CATSPERB: variants seen among roughly 807,000 people sequenced by gnomAD.
CATSPERB encodes the protein cation channel sperm-associated auxiliary subunit beta.
Under a neutral mutation model 128.3 loss-of-function variants are expected in CATSPERB, and 93 were observed. The observed-to-expected ratio is 0.72, with a 90% CI of 0.61 to 0.86. The LOEUF (loss-of-function observed/expected upper bound fraction) is 0.86. Ranked by LOEUF, CATSPERB falls within the 40% of genes least tolerant of loss-of-function variation. The pLI, the probability that CATSPERB is intolerant of heterozygous loss-of-function variation, is 0.00. For synonymous variants in CATSPERB, 381 were observed against 448.8 expected, an observed-to-expected ratio of 0.85 and a Z score of 1.91; for missense variants, 1,153 against 1,329.5, an observed-to-expected ratio of 0.87 and a Z score of 2.06.
intron 14 of CATSPERB, among the ~76,000 whole-genome samples, chr14:91,667,018 A>C (rs1894996181): frequency 6.6e-6 from 1 of 152,248 alleles, no homozygotes; most frequent in Admixed American, 6.5e-5. Flanking sequence ...TTAGTGATGT[A>C]ACTGTACTTG....
chr14:91,636,748 G>A (rs1009088024), intron 16 of CATSPERB, among the ~76,000 whole-genome samples, 169 bp from the exon 17 acceptor site: 9 of 152,158 alleles, frequency 5.9e-5, no homozygotes, highest in Non-Finnish European at 1.2e-4. Context: ...TGTGTGCAAG[G>A]GAAGATGTAT....
intron 15 of CATSPERB, among the ~76,000 whole-genome samples, chr14:91,648,101 A>C (rs1894638884): frequency 6.6e-6 from 1 of 152,058 alleles, no homozygotes; most frequent in Non-Finnish European, 1.5e-5. Context: ...CACTGGTTTC[A>C]TTCATAATTT....
At position 91,625,097 on chromosome 14, in the gene CATSPERB, A is replaced by G. The variant is rs1350590005; in HGVS notation, c.1743-90T>C. 4.2e-6 allele frequency: 3 copies of G among 708,640 alleles called. No homozygotes were observed. The African/African-American group carries it at 5.5e-5, about 13-fold the overall frequency. The allele number at this position is 708,640 out of a possible 1,614,324, so 43.9% of individuals were successfully genotyped here. ...AACAAATAATTTACAAAGAAAGTATACCACAAATAACTAACAAATATTTGA... is the reference window on the plus strand; with the variant it reads ...AACAAATAATTTACAAAGAAAGTATGCCACAAATAACTAACAAATATTTGA... On this transcript the variant is annotated intron_variant, in intron 17 of 26. Transcript: ENST00000256343.
chr14:91,705,611 G>T (rs1333421292), intron 6 of CATSPERB, among the ~76,000 whole-genome samples: 1 of 152,184 alleles, frequency 6.6e-6, no homozygotes, highest in Non-Finnish European at 1.5e-5. Flanking sequence ...CCCATTACAG[G>T]CTCTAGTTTG....
At chr14:91,604,046 T>C (rs1418809916) in intron 22 of CATSPERB, among the ~76,000 whole-genome samples, 1 of 150,968 alleles carries the variant, frequency 6.6e-6, no homozygotes, top group African/African-American at 2.4e-5. Flanking sequence ...TCTTTCTTTC[T>C]TTTATGGAGT....
chr14:91,664,259 CTT>C (rs750623098), intron 14 of CATSPERB, among the ~76,000 whole-genome samples: 1,312 of 115,612 alleles, frequency 0.011, 34 homozygotes, highest in Middle Eastern at 0.016. Flanking sequence ...TCTTCCATGT[CTT>C]TTTTTTTTTT....
At chr14:91,673,231 C>CCCTTGGGCAAGAAACTT (rs1895129941) in intron 12 of CATSPERB, among the ~76,000 whole-genome samples, 1 of 151,710 alleles carries the variant, frequency 6.6e-6, no homozygotes, top group Non-Finnish European at 1.5e-5. Flanking sequence ...TTTAGGAAAT[C>CCCTTGGGCAAGAAACTT]GACCCTTAGG....
chr14:91,731,070 C>T (rs2139787272), intron 1 of CATSPERB, among the ~76,000 whole-genome samples: 1 of 152,256 alleles, frequency 6.6e-6, no homozygotes, highest in Non-Finnish European at 1.5e-5. Context: ...AGTCCCTTTA[C>T]CAGAAAAATC....
rs763171769 is a variant in CATSPERB at position 91,621,879 on chromosome 14, G to A, written c.1989C>T (p.Tyr663=). The A allele has an allele frequency of 1.2e-6, 2 of 1,613,944 alleles. No individual in the cohort carries two copies. Among genetic ancestry groups the A allele is most frequent in the South Asian group, 1.1e-5 (1 of 91,050 alleles). ...AAATGCTTGTGATGAGGAAGCTGCT[G>A]TACCCGGGAAGCACTACAGTCTTCT... ...DIEKTVVLPG[Y]SSFLITSILD... Residue 663 remains tyrosine (Y), a synonymous_variant, in exon 19 of 27, where the codon TAC becomes TAT. Transcript: ENST00000256343.
intron 7 of CATSPERB, among the ~76,000 whole-genome samples, chr14:91,695,039 A>G (rs1422122702): frequency 1.3e-5 from 2 of 151,918 alleles, no homozygotes; most frequent in African/African-American, 4.8e-5. Context: ...AGTGTTATTT[A>G]TTATTGTATA....
chr14:91,640,836 G>A (rs1038007480), intron 15 of CATSPERB, among the ~76,000 whole-genome samples: 1 of 143,508 alleles, frequency 7.0e-6, no homozygotes, highest in African/African-American at 2.6e-5. Context: ...TTCCACAATG[G>A]TTGAACTAGT....
At chr14:91,619,862 TG>T (rs1167030140) in intron 19 of CATSPERB, among the ~76,000 whole-genome samples, 12 of 2,822 alleles carry the variant, frequency 4.3e-3, no homozygotes, top group Non-Finnish European at 6.6e-4. Flanking sequence ...GTAATAAAAT[TG>T]TGTGTGTGTG....
At chr14:91,620,964 A>G (rs1894031615) in intron 19 of CATSPERB, among the ~76,000 whole-genome samples, 1 of 152,148 alleles carries the variant, frequency 6.6e-6, no homozygotes, top group Admixed American at 6.5e-5. Flanking sequence ...AAGTAATTAA[A>G]AAGTTTTCCT....
At position 91,725,089 on chromosome 14, in the gene CATSPERB, TAAGAA is replaced by T; in HGVS notation, c.154_158del (p.Phe52ArgfsTer12). On this transcript the variant is annotated frameshift_variant, in exon 3 of 27. Transcript: ENST00000256343. LOFTEE classifies it high-confidence loss of function. ...TATTAGTGGACCTTACCAAGTTTTC[TAAGAA>T]AAGATACAACTTGATTATTTCATTC... 6.4e-7 allele frequency: 1 copy of T among 1,566,652 alleles called. No individual in the cohort carries two copies. Among genetic ancestry groups the T allele is most frequent in the Non-Finnish European group, 8.6e-7 (1 of 1,157,044 alleles).
At chr14:91,617,868 G>A in intron 19 of CATSPERB, 132 bp from the exon 20 acceptor site, 1 of 641,458 alleles carries the variant, frequency 1.6e-6, no homozygotes, top group Non-Finnish European at 2.6e-6. Context: ...TGCACATACA[G>A]TTAGCAATTT....
At chr14:91,688,596 C>G (rs1409220082) in intron 10 of CATSPERB, among the ~76,000 whole-genome samples, 1 of 152,124 alleles carries the variant, frequency 6.6e-6, no homozygotes, top group African/African-American at 2.4e-5. Context: ...TCCTCAAAGG[C>G]TCACTTTTGC....
At chr14:91,674,263 C>T (rs1318158192) in intron 11 of CATSPERB, 41 bp from the exon 12 acceptor site, 2 of 1,273,098 alleles carry the variant, frequency 1.6e-6, no homozygotes, top group Admixed American at 4.1e-5. Context: ...ATGAGCATAT[C>T]TGTATTTCTA....
intron 22 of CATSPERB, among the ~76,000 whole-genome samples, chr14:91,601,032 A>C (rs1893600269): frequency 6.6e-6 from 1 of 152,268 alleles, no homozygotes; most frequent in African/African-American, 2.4e-5. Flanking sequence ...AGTTGAGAGA[A>C]TACAACACCT....
At chr14:91,712,104 T>TG (rs376535648) in intron 5 of CATSPERB, among the ~76,000 whole-genome samples, 1 of 152,300 alleles carries the variant, frequency 6.6e-6, no homozygotes, top group African/African-American at 2.4e-5. Flanking sequence ...GTAAAATACT[T>TG]GCAGTAGAAA....
Sources: allele counts gnomAD v4.1 joint callset (sites outside exome capture counted in the v4.1 genomes callset), GRCh38; gene constraint gnomAD v4.1.1; transcripts MANE v1.5; gene names NCBI Gene and HGNC (gene_info 2026-07-23, HGNC 2026-07-21).